Variants in HOXC13 observed in about 807,000 individuals in gnomAD.
The protein encoded by HOXC13 is homeobox C13, also known as homeobox protein Hox-C13.
In HOXC13, 10 loss-of-function variants were observed where a neutral mutation model predicts 25.9. That is an observed-to-expected ratio of 0.39 (90% CI 0.24 to 0.65). The LOEUF (loss-of-function observed/expected upper bound fraction) is 0.65. Ranked by LOEUF, HOXC13 falls within the 30% of genes least tolerant of loss-of-function variation. The probability of loss-of-function intolerance (pLI) is 0.50; values close to 1 mark genes in which losing one functional copy is unlikely to be tolerated. For synonymous variants in HOXC13, 233 were observed against 217.1 expected, an observed-to-expected ratio of 1.07 and a Z score of -0.64; for missense variants, 439 against 478.3, an observed-to-expected ratio of 0.92 and a Z score of 0.77.
At position 53,945,009 on chromosome 12, in the gene HOXC13, C is replaced by T. The variant is rs773536606; in HGVS notation, c.746C>T (p.Pro249Leu). 6.2e-7 allele frequency: 1 copy of T among 1,613,744 alleles called. No individual in the cohort carries two copies. Among genetic ancestry groups the T allele is most frequent in the Non-Finnish European group, 8.5e-7 (1 of 1,179,952 alleles). ...CCTTATCTCCCCGCAGACGTGGTTC[C>T]CCTGCAGCCCGAGGTGAGCAGCTAC... is the stretch of plus-strand genomic sequence containing the variant. ...LWKSPFPDVV[P>L]LQPEVSSYRR... The change falls in exon 2 of 2, where the codon CCC becomes CTC. Residue 249 changes from proline (P) to leucine (L), a missense_variant. Pro to Leu is a moderately conservative substitution (Grantham distance 98). Transcript: ENST00000243056. The surrounding 1 kb of genome is among the most constrained non-coding windows in gnomAD (Gnocchi z 4.4).
Position 53,938,854 on chromosome 12 carries a change from A to C in HOXC13, c.-53A>C. 21 of 1,437,422 alleles carry C rather than the reference A, an allele frequency of 1.5e-5. No individual in the cohort carries two copies. The highest frequency in any genetic ancestry group is 2.9e-5 in the African/African-American group (2 of 68,784). 89.0% of individuals were successfully genotyped at this position (1,437,422 alleles called of 1,614,324 possible). ...GGAAACAGGAGCGAGGTGTCTCCCT[A>C]GCTCGCTGCCTCTGGCAAGTGGAGT... On this transcript the variant is annotated 5_prime_UTR_variant, in exon 1 of 2. Coordinates refer to ENST00000243056, the MANE Select transcript of HOXC13 (RefSeq NM_017410.3).
intron 1 of HOXC13, among the ~76,000 whole-genome samples, chr12:53,942,805 G>T (rs1938633991): frequency 6.6e-6 from 1 of 152,162 alleles, no homozygotes; most frequent in African/African-American, 2.4e-5. Context: ...GGACAAATTG[G>T]CTAAATCAAT....
Position 53,943,667 on chromosome 12 carries a change from C to A in HOXC13, c.737-1333C>A, listed in dbSNP as rs573283595. On this transcript the variant is annotated intron_variant, in intron 1 of 1. Coordinates refer to ENST00000243056, the MANE Select transcript of HOXC13 (RefSeq NM_017410.3). ...CTACTCTTCCCATTGTGTATAGAGT[C>A]CATGAGAGAAAGCAGACCCAATGGG... 3.2e-4 allele frequency among the ~76,000 whole-genome samples: 48 copies of A among 152,246 alleles called. 1 individual carries two copies. Among genetic ancestry groups the A allele is most frequent in the Non-Finnish European group, 5.9e-4 (40 of 68,022 alleles).
At position 53,945,180 on chromosome 12, in the gene HOXC13, T is replaced by C. The variant is rs1311354216; in HGVS notation, c.917T>C (p.Ile306Thr). ...AACCTCTCTGAGCGCCAGGTAACCA[T>C]CTGGTTCCAGAACCGGCGGGTCAAA... Reference protein sequence around the residue: ...TTNLSERQVTIWFQNRRVKEK... With the variant: ...TTNLSERQVTTWFQNRRVKEK... The change falls in exon 2 of 2, where the codon ATC (isoleucine) becomes ACC (threonine). Residue 306 changes from isoleucine (I) to threonine (T), a missense_variant. Coordinates refer to ENST00000243056, the MANE Select transcript of HOXC13 (RefSeq NM_017410.3). This position sits in a 1 kb window ranked among gnomAD's most constrained non-coding sequence, Gnocchi z 4.4. 6.2e-7 allele frequency: 1 copy of C among 1,614,112 alleles called. No homozygotes were observed. The highest frequency in any genetic ancestry group is 8.5e-7 in the Non-Finnish European group (1 of 1,180,012).
At chr12:53,940,390 A>G (rs528947013) in intron 1 of HOXC13, among the ~76,000 whole-genome samples, 1 of 152,302 alleles carries the variant, frequency 6.6e-6, no homozygotes, top group Admixed American at 6.5e-5. Context: ...AGAGTTAGTT[A>G]TTGGTGCCCC....
chr12:53,939,204 G>A lies in HOXC13; in HGVS notation c.298G>A (p.Glu100Lys), dbSNP rs1291150502. The A allele has an allele frequency of 2.0e-6, 3 of 1,530,048 alleles. No homozygotes were observed. The highest frequency in any genetic ancestry group is 2.0e-5 in the Admixed American group (1 of 49,464). 94.8% of individuals were successfully genotyped at this position (1,530,048 alleles called of 1,614,324 possible). Residue 100 changes from glutamate to lysine, a missense_variant, in exon 1 of 2, where the codon GAG (glutamate) becomes AAG (lysine). Coordinates refer to ENST00000243056, the MANE Select transcript of HOXC13 (RefSeq NM_017410.3). The surrounding 1 kb of genome is among the most constrained non-coding windows in gnomAD (Gnocchi z 6.7). ...CGTCTATACGGACATCCCGGCCCCG[G>A]AGGCGGCGCGCCAGTGTGCCCCGCC... ...GAVYTDIPAP[E>K]AARQCAPPPA...
At chr12:53,944,770 T>C (rs1056633159) in intron 1 of HOXC13, among the ~76,000 whole-genome samples, 2 of 152,246 alleles carry the variant, frequency 1.3e-5, no homozygotes, top group African/African-American at 4.8e-5. Context: ...TCGTCTTGAT[T>C]ACTGAGTTTT....
chr12:53,942,603 A>G (rs749721286), intron 1 of HOXC13, among the ~76,000 whole-genome samples: 2 of 152,198 alleles, frequency 1.3e-5, no homozygotes, highest in African/African-American at 2.4e-5. Context: ...TGTAAGATTA[A>G]TAACTAAGCC....
At position 53,939,910 on chromosome 12, in the gene HOXC13, C is replaced by T. The variant is rs1938582175; in HGVS notation, c.736+268C>T. On this transcript the variant is annotated intron_variant, in intron 1 of 1. Coordinates refer to ENST00000243056, the MANE Select transcript of HOXC13 (RefSeq NM_017410.3). This position sits in a 1 kb window ranked among gnomAD's most constrained non-coding sequence, Gnocchi z 6.7. ...GCCGGCTCTGCTCTGTCCGGTAGCT[C>T]GCCTCCGCCTCCCCTTGCAGGCTCC... 6.6e-6 allele frequency among the ~76,000 whole-genome samples: 1 copy of T among 152,238 alleles called. No homozygotes were observed. The highest frequency in any genetic ancestry group is 1.5e-5 in the Non-Finnish European group (1 of 68,036).
rs145972010 is a variant in HOXC13, at chr12:53,944,679, T to C, written c.737-321T>C. On this transcript the variant is annotated intron_variant, in intron 1 of 1. Transcript: ENST00000243056. ...AAGAAAATCAGTAATACCGAACCCA[T>C]GTTTATTTTTTTAATTGATATTTTG... Among the ~76,000 whole-genome samples, 32 of 152,168 alleles carry C rather than the reference T, an allele frequency of 2.1e-4. No individual in the cohort carries two copies. The East Asian group carries it at 5.4e-3, about 26-fold the overall frequency.
Position 53,939,847 on chromosome 12 carries a change from C to G in HOXC13, c.736+205C>G, listed in dbSNP as rs114288036. 1.3e-5 allele frequency among the ~76,000 whole-genome samples: 2 copies of G among 152,220 alleles called. No homozygotes were observed. The highest frequency in any genetic ancestry group is 2.9e-5 in the Non-Finnish European group (2 of 68,032). ...GACACGTTCTCTGTAGCTGCCCGGC[C>G]GAGAATGAAGCAATCACAGGCGCCC... On this transcript the variant is annotated intron_variant, in intron 1 of 1. Coordinates refer to ENST00000243056, the MANE Select transcript of HOXC13 (RefSeq NM_017410.3). This position sits in a 1 kb window ranked among gnomAD's most constrained non-coding sequence, Gnocchi z 6.7.
chr12:53,940,027 C>T (rs1938584593), intron 1 of HOXC13, among the ~76,000 whole-genome samples: 1 of 152,222 alleles, frequency 6.6e-6, no homozygotes, highest in Admixed American at 6.5e-5. Flanking sequence ...CAGGACAAAA[C>T]CCCCAACCCA....
At chr12:53,944,896 C>T (rs1938666310) in intron 1 of HOXC13, 104 bp from the exon 2 acceptor site, 2 of 1,432,050 alleles carry the variant, frequency 1.4e-6, no homozygotes, top group South Asian at 2.5e-5. Flanking sequence ...ATCCTCTGGC[C>T]CCGTTGAGCC....
rs733412 is a variant in HOXC13, at chr12:53,944,936, C to G, written c.737-64C>G. The stretch of plus-strand genomic sequence containing the variant: ...CCAGAACTCTGTGCCTAGGCAGCCT[C>G]GGGTCCTCTATCTCAGTCCAGCCGC... On this transcript the variant is annotated intron_variant, in intron 1 of 1. Transcript: ENST00000243056. 3.3e-4 allele frequency: 528 copies of G among 1,602,432 alleles called. 2 individuals carry two copies. The highest frequency in any genetic ancestry group is 2.7e-3 in the South Asian group (241 of 90,400).
chr12:53,944,498 G>A (rs558138245), intron 1 of HOXC13, among the ~76,000 whole-genome samples: 1 of 152,174 alleles, frequency 6.6e-6, no homozygotes, highest in Admixed American at 6.5e-5. Context: ...AACTAATAAG[G>A]ACCCAAGCGA....
intron 1 of HOXC13, among the ~76,000 whole-genome samples, chr12:53,943,288 G>A (rs900336933): frequency 1.3e-5 from 2 of 152,126 alleles, no homozygotes; most frequent in Non-Finnish European, 2.9e-5. Context: ...ACAAACTCAT[G>A]GTATCACTAC....
Position 53,939,521 on chromosome 12 carries a change from C to G in HOXC13, c.615C>G (p.His205Gln). Residue 205 changes from histidine (H) to glutamine (Q), a missense_variant, in exon 1 of 2, where the codon CAC (histidine) becomes CAG (glutamine). Coordinates refer to ENST00000243056, the MANE Select transcript of HOXC13 (RefSeq NM_017410.3). The surrounding 1 kb of genome is among the most constrained non-coding windows in gnomAD (Gnocchi z 6.7). ...PGISGHPEPR[H>Q]DALIPVEGYQ... ...TCAGCGGGCACCCGGAGCCGCGTCA[C>G]GACGCCCTCATCCCCGTCGAAGGCT... 2 of 1,611,948 alleles carry G rather than the reference C, an allele frequency of 1.2e-6. No individual in the cohort carries two copies. The highest frequency in any genetic ancestry group is 1.1e-5 in the South Asian group (1 of 91,006).
chr12:53,938,863 C>T lies in HOXC13; in HGVS notation c.-44C>T. On this transcript the variant is annotated 5_prime_UTR_variant, in exon 1 of 2. Coordinates refer to ENST00000243056, the MANE Select transcript of HOXC13 (RefSeq NM_017410.3). ...AGCGAGGTGTCTCCCTAGCTCGCTG[C>T]CTCTGGCAAGTGGAGTTTTTAAAAA... 1.3e-6 allele frequency: 2 copies of T among 1,498,656 alleles called. No homozygotes were observed. Among genetic ancestry groups the T allele is most frequent in the Non-Finnish European group, 1.8e-6 (2 of 1,127,150 alleles). 92.8% of individuals were successfully genotyped at this position (1,498,656 alleles called of 1,614,324 possible). A position where few individuals can be genotyped will look rare whatever the true frequency, so the allele number is the denominator to read the frequency against.
Position 53,945,361 on chromosome 12 carries a change from G to A in HOXC13, c.*105G>A. The stretch of plus-strand genomic sequence containing the variant: ...GTGCAGAAGAGTATTTAATGTTAAG[G>A]AAAGAGAAGAACCGCGCCGCCCGGA... On this transcript the variant is annotated 3_prime_UTR_variant, in exon 2 of 2. Transcript: ENST00000243056. This position sits in a 1 kb window ranked among gnomAD's most constrained non-coding sequence, Gnocchi z 4.4. 1 of 1,389,178 alleles carries A rather than the reference G, an allele frequency of 7.2e-7. No homozygotes were observed. Among genetic ancestry groups the A allele is most frequent in the South Asian group, 1.3e-5 (1 of 75,486 alleles). The allele number at this position is 1,389,178 out of a possible 1,614,324, so 86.1% of individuals were successfully genotyped here.
Sources: gnomAD v4.1 joint callset for allele counts (sites outside exome capture counted in the v4.1 genomes callset) on GRCh38, gnomAD v4.1.1 for gene constraint, Gnocchi (gnomAD v3.1) non-coding constraint, MANE v1.5 for transcripts, NCBI Gene and HGNC (gene_info 2026-07-23, HGNC 2026-07-21) for gene names.